Variants in ETFA observed in about 807,000 individuals in gnomAD.
ETFA encodes the protein electron transfer flavoprotein subunit alpha, mitochondrial.
Under a neutral mutation model 46.2 loss-of-function variants are expected in ETFA, and 22 were observed. The ratio of observed to expected loss-of-function variants is 0.48; its 90% confidence interval spans 0.34 to 0.68. The LOEUF (loss-of-function observed/expected upper bound fraction) is 0.68. Among genes scored for constraint, ETFA ranks in the 30% least tolerant of loss-of-function variants. The probability of loss-of-function intolerance (pLI) is 0.01; values close to 1 mark genes in which losing one functional copy is unlikely to be tolerated. For synonymous variants in ETFA, 131 were observed against 139.9 expected (o/e 0.94, Z 0.45); for missense variants, 345 against 401.1 (o/e 0.86, Z 1.19).
intron 8 of ETFA, among the ~76,000 whole-genome samples, 154 bp downstream of exon 8, chr15:76,283,603 G>T (rs1567214908): frequency 1.3e-5 from 2 of 152,152 alleles, no homozygotes; most frequent in Admixed American, 1.3e-4. Context: ...TTTACTTGGA[G>T]GCTTAAGAAA....
chr15:76,304,111 A>G (rs1032530084), intron 1 of ETFA, among the ~76,000 whole-genome samples: 1 of 152,216 alleles, frequency 6.6e-6, no homozygotes, highest in Non-Finnish European at 1.5e-5. Context: ...CACAGCCATT[A>G]AAAAGAATGA....
intron 1 of ETFA, among the ~76,000 whole-genome samples, chr15:76,304,374 A>G (rs1021416422): frequency 3.9e-5 from 6 of 152,182 alleles, no homozygotes; most frequent in Admixed American, 3.9e-4. Flanking sequence ...AATAATCTGT[A>G]CATCAAACCC....
At chr15:76,301,032 A>G (rs1459102645) in intron 1 of ETFA, among the ~76,000 whole-genome samples, 1 of 152,222 alleles carries the variant, frequency 6.6e-6, no homozygotes, top group Non-Finnish European at 1.5e-5. Context: ...ATAACGTCTC[A>G]GTACCTCAGT....
intron 9 of ETFA, among the ~76,000 whole-genome samples, chr15:76,270,585 T>C (rs909433424): frequency 1.3e-5 from 2 of 152,172 alleles, no homozygotes; most frequent in African/African-American, 2.4e-5. Context: ...CATTGAGATA[T>C]TGGCTTCTAA....
intron 8 of ETFA, among the ~76,000 whole-genome samples, chr15:76,275,020 A>G (rs1031503345): frequency 6.6e-6 from 1 of 152,182 alleles, no homozygotes; most frequent in African/African-American, 2.4e-5. Flanking sequence ...TCTCAAGCTG[A>G]AAAGGACAGA....
chr15:76,300,073 T>C (rs1397145512), intron 1 of ETFA, among the ~76,000 whole-genome samples: 3 of 152,238 alleles, frequency 2.0e-5, no homozygotes, highest in Non-Finnish European at 2.9e-5. Flanking sequence ...TCAGGCTTTA[T>C]GTTACTTGTT....
chr15:76,261,623 A>T (rs1567207360), intron 9 of ETFA: 1 of 429,374 alleles, frequency 2.3e-6, no homozygotes, highest in Non-Finnish European at 4.2e-6. Context: ...AGCCGCCAGC[A>T]GCAGCCCCAG....
chr15:76,273,203 A>G (rs2039556542), intron 9 of ETFA, among the ~76,000 whole-genome samples: 1 of 152,172 alleles, frequency 6.6e-6, no homozygotes, highest in South Asian at 2.1e-4. Flanking sequence ...CTACAAAGAG[A>G]AAAGAAAAAG....
chr15:76,305,858 AGTT>A (rs1031187791), intron 1 of ETFA, among the ~76,000 whole-genome samples: 1 of 117,512 alleles, frequency 8.5e-6, no homozygotes, highest in African/African-American at 3.0e-5. Context: ...CAACCTCAAT[AGTT>A]GTTTTTTTTT....
intron 9 of ETFA, among the ~76,000 whole-genome samples, chr15:76,238,882 C>T (rs983439461): frequency 2.0e-4 from 31 of 152,108 alleles, no homozygotes; most frequent in African/African-American, 6.5e-4. Context: ...GCTCTCTGCC[C>T]GTATTATGAA....
intron 11 of ETFA, among the ~76,000 whole-genome samples, chr15:76,223,378 C>G (rs1043449026): frequency 6.6e-6 from 1 of 151,650 alleles, no homozygotes; most frequent in Non-Finnish European, 1.5e-5. Flanking sequence ...TCACCATGCT[C>G]GGCTAATGTG....
intron 11 of ETFA, among the ~76,000 whole-genome samples, chr15:76,220,703 T>C (rs1211268715): frequency 6.6e-6 from 1 of 152,116 alleles, no homozygotes; most frequent in Non-Finnish European, 1.5e-5. Flanking sequence ...AATATACAAA[T>C]GGCCAATAAG....
At chr15:76,228,142 G>C in intron 10 of ETFA, 3 of 365,434 alleles carry the variant, frequency 8.2e-6, no homozygotes, top group Non-Finnish European at 1.6e-5. Context: ...ACATCTGGGA[G>C]TTTAATCATC....
In ETFA at chr15:76,225,935, A is replaced by G. The variant is rs2142108091; in HGVS notation, c.883-6T>C. On this transcript the variant is annotated splice_polypyrimidine_tract_variant and splice_region_variant and intron_variant, in intron 10 of 11. Coordinates refer to ENST00000557943, the MANE Select transcript of ETFA (RefSeq NM_000126.4). ...TTATTAATTGCCACAATTGTCTGTG[A>G]AATAAAAACAAAGAGTTTGACTTTT... 6.3e-7 allele frequency: 1 copy of G among 1,575,174 alleles called. No individual in the cohort carries two copies.
intron 8 of ETFA, among the ~76,000 whole-genome samples, chr15:76,275,146 C>T (rs533592369): frequency 2.0e-5 from 3 of 152,236 alleles, no homozygotes; most frequent in Non-Finnish European, 2.9e-5. Flanking sequence ...TCCCCATAAG[C>T]CCCAAACTCA....
chr15:76,270,551 T>C (rs1368023830), intron 9 of ETFA, among the ~76,000 whole-genome samples: 1 of 152,216 alleles, frequency 6.6e-6, no homozygotes, highest in Non-Finnish European at 1.5e-5. Context: ...GCAGTGACAT[T>C]TCAATAGCAA....
At chr15:76,226,395 G>A (rs139100070) in intron 10 of ETFA, 25 of 172,034 alleles carry the variant, frequency 1.5e-4, no homozygotes, top group Non-Finnish European at 7.4e-5. Context: ...GACTAGCCTG[G>A]CCAACAGGGT....
chr15:76,259,453 G>C (rs1045905707), intron 9 of ETFA: 3 of 976,220 alleles, frequency 3.1e-6, no homozygotes, highest in African/African-American at 3.2e-5. Flanking sequence ...ATACACTCTG[G>C]AAGCTGTTTC....
chr15:76,306,533 G>A (rs2039942219), intron 1 of ETFA, among the ~76,000 whole-genome samples: 1 of 151,380 alleles, frequency 6.6e-6, no homozygotes, highest in South Asian at 2.1e-4. Flanking sequence ...CAAAGTGCTG[G>A]GATTACAGAC....
Sources: allele counts gnomAD v4.1 joint callset (sites outside exome capture counted in the v4.1 genomes callset), GRCh38; gene constraint gnomAD v4.1.1; transcripts MANE v1.5; gene names NCBI Gene and HGNC (gene_info 2026-07-23, HGNC 2026-07-21).